RHOU: variants seen among roughly 807,000 people sequenced by gnomAD.
RHOU encodes the protein rho-related GTP-binding protein RhoU.
Under a neutral mutation model 12.6 loss-of-function variants are expected in RHOU, and 8 were observed. That is an observed-to-expected ratio of 0.64 (90% confidence interval 0.37 to 1.15). The LOEUF (loss-of-function observed/expected upper bound fraction) is 1.15. Ranked by LOEUF, RHOU falls within the 50% of genes most tolerant of loss-of-function variation. The pLI, the probability that RHOU is intolerant of heterozygous loss-of-function variation, is 0.01. For synonymous variants in RHOU, 161 were observed against 147.4 expected, an observed-to-expected ratio of 1.09 and a Z score of -0.67; for missense variants, 258 against 347.0, an observed-to-expected ratio of 0.74 and a Z score of 2.04.
In RHOU at chr1:228,738,002, T is replaced by C. The variant is rs1662647693; in HGVS notation, c.321+271T>C. On this transcript the variant is annotated intron_variant, in intron 2 of 2. Coordinates refer to ENST00000366691, the MANE Select transcript of RHOU (RefSeq NM_021205.6). This position sits in a 1 kb window ranked among gnomAD's most constrained non-coding sequence, Gnocchi z 4.2. ...AGGAAGCAGTGTCAAGAACAGCTCT[T>C]GTAGGAGTTTCTATTACTTACTCCC... is the stretch of plus-strand genomic sequence containing the variant. Among the ~76,000 whole-genome samples the C allele has an allele frequency of 6.6e-6, 1 of 152,148 alleles. No individual in the cohort carries two copies. Among genetic ancestry groups the C allele is most frequent in the East Asian group, 1.9e-4 (1 of 5,190 alleles).
chr1:228,711,080 A>G, the RHOU span, among the ~76,000 whole-genome samples: 1 of 152,000 alleles, frequency 6.6e-6, no homozygotes, highest in East Asian at 1.9e-4. Context: ...AGAATAAAAT[A>G]CCTAGAAATC....
the RHOU span, among the ~76,000 whole-genome samples, chr1:228,647,274 A>C: frequency 6.6e-6 from 1 of 151,944 alleles, no homozygotes; most frequent in Non-Finnish European, 1.5e-5. Flanking sequence ...TTGGCACCTC[A>C]CTGTGCTCTT....
At chr1:228,654,114 A>AT in the RHOU span, among the ~76,000 whole-genome samples, 28,350 of 146,456 alleles carry the variant, frequency 0.19, 3,283 homozygotes, top group African/African-American at 0.34. Flanking sequence ...AAACTAGCTG[A>AT]TTTTTTTTTT....
At chr1:228,690,047 C>T in the RHOU span, among the ~76,000 whole-genome samples, 1 of 152,102 alleles carries the variant, frequency 6.6e-6, no homozygotes, top group Non-Finnish European at 1.5e-5. Context: ...AACGCTGTTT[C>T]AATGTGTCCT....
chr1:228,698,434 T>A, the RHOU span, among the ~76,000 whole-genome samples: 11 of 152,350 alleles, frequency 7.2e-5, no homozygotes, highest in East Asian at 1.3e-3. Context: ...ACCAGAAGTG[T>A]CAGTAACTGT....
chr1:228,721,718 T>C, the RHOU span, among the ~76,000 whole-genome samples: 2 of 152,218 alleles, frequency 1.3e-5, no homozygotes, highest in East Asian at 3.8e-4. Context: ...TGGAGGGCAA[T>C]GGCGGGATCT....
the RHOU span, among the ~76,000 whole-genome samples, chr1:228,654,226 A>C: frequency 2.0e-5 from 3 of 151,688 alleles, no homozygotes; most frequent in Non-Finnish European, 4.4e-5. Context: ...TCTTGCCTCC[A>C]CTTCCTAAGT....
chr1:228,739,129 A>G (rs893620523), intron 2 of RHOU, among the ~76,000 whole-genome samples: 4 of 149,542 alleles, frequency 2.7e-5, no homozygotes, highest in African/African-American at 7.6e-5. Flanking sequence ...TCTTGGGGGT[A>G]AAAAAAAAGA....
At chr1:228,650,511 G>T in the RHOU span, 1 of 456,692 alleles carries the variant, frequency 2.2e-6, no homozygotes, top group Non-Finnish European at 4.4e-6. Context: ...TGAACTAGGG[G>T]AGCTGCCACG....
At chr1:228,741,094 G>GA (rs72496488) in intron 2 of RHOU, among the ~76,000 whole-genome samples, 24 of 147,292 alleles carry the variant, frequency 1.6e-4, no homozygotes, top group South Asian at 4.3e-4. Flanking sequence ...ATCTTATACT[G>GA]AAAAAAAAAA....
chr1:228,711,995 C>G, the RHOU span, among the ~76,000 whole-genome samples: 3 of 140,674 alleles, frequency 2.1e-5, no homozygotes, highest in Non-Finnish European at 4.7e-5. Context: ...AAAAAGTGGG[C>G]AAAGGACATG....
At chr1:228,736,047 G>T (rs757706946) in intron 1 of RHOU, 43 bp downstream of exon 1, 2 of 1,554,818 alleles carry the variant, frequency 1.3e-6, no homozygotes, top group South Asian at 2.3e-5. Flanking sequence ...CGTGGCCGCG[G>T]TCCACCCAGG....
chr1:228,670,978 T>C, the RHOU span, among the ~76,000 whole-genome samples: 1 of 152,088 alleles, frequency 6.6e-6, no homozygotes, highest in Non-Finnish European at 1.5e-5. Flanking sequence ...TAAACCTCTT[T>C]TCTTCATAAA....
chr1:228,736,037 C>A, intron 1 of RHOU, 33 bp downstream of exon 1: 1 of 1,560,328 alleles, frequency 6.4e-7, no homozygotes, highest in Admixed American at 1.8e-5. Context: ...GCCGGGGGCG[C>A]GTGGCCGCGG....
At chr1:228,711,340 C>T in the RHOU span, among the ~76,000 whole-genome samples, 49 of 152,080 alleles carry the variant, frequency 3.2e-4, no homozygotes, top group East Asian at 5.2e-3. Context: ...AAAAAGAGCC[C>T]GCATCGCCAA....
chr1:228,682,411 G>T, the RHOU span, among the ~76,000 whole-genome samples: 2 of 152,076 alleles, frequency 1.3e-5, no homozygotes, highest in East Asian at 3.9e-4. Flanking sequence ...CAACAAGGCT[G>T]TTTATTTCAC....
chr1:228,652,335 C>A, the RHOU span: 1 of 152,188 alleles, frequency 6.6e-6, no homozygotes, highest in Non-Finnish European at 1.5e-5. Flanking sequence ...GCAGATTTTG[C>A]AATCCATGCA....
chr1:228,741,444 C>G (rs1431531804), intron 2 of RHOU, among the ~76,000 whole-genome samples: 1 of 152,128 alleles, frequency 6.6e-6, no homozygotes, highest in Non-Finnish European at 1.5e-5. Context: ...TTATTTTTCT[C>G]AGTAATGCAA....
chr1:228,700,450 G>A, the RHOU span, among the ~76,000 whole-genome samples: 8 of 152,166 alleles, frequency 5.3e-5, no homozygotes, highest in Non-Finnish European at 1.0e-4. Flanking sequence ...TGACAACTCT[G>A]TATTTAAGAA....
Sources: gnomAD v4.1 joint callset for allele counts (sites outside exome capture counted in the v4.1 genomes callset) on GRCh38, gnomAD v4.1.1 for gene constraint, Gnocchi (gnomAD v3.1) non-coding constraint, MANE v1.5 for transcripts, NCBI Gene and HGNC (gene_info 2026-07-23, HGNC 2026-07-21) for gene names.